Variants in TAB2 observed in about 807,000 individuals in gnomAD.
TAB2 encodes the protein TGF-beta activated kinase 1 (MAP3K7) binding protein 2.
A neutral mutation model predicts 65.0 loss-of-function variants in TAB2; 3 were observed. The ratio of observed to expected loss-of-function variants is 0.05; its 90% CI spans 0.02 to 0.12. The LOEUF (loss-of-function observed/expected upper bound fraction) is 0.12. Among genes scored for constraint, TAB2 ranks in the 10% least tolerant of loss-of-function variants. The pLI is 1.00. For missense variants in TAB2, 623 were observed against 840.3 expected (o/e 0.74, Z 3.20); for synonymous variants, 298 against 285.1 (o/e 1.05, Z -0.46).
chr6:149,328,588 G>A (rs952687076), intron 1 of TAB2, among the ~76,000 whole-genome samples: 6 of 152,090 alleles, frequency 3.9e-5, no homozygotes, highest in South Asian at 2.1e-4. Context: ...CACCGCACCC[G>A]GCCTCTACAT....
chr6:149,301,515 A>G (rs1472425904), intron 1 of TAB2, among the ~76,000 whole-genome samples: 1 of 152,238 alleles, frequency 6.6e-6, no homozygotes, highest in Non-Finnish European at 1.5e-5. Context: ...TCATTTCTGT[A>G]CATTACACAT....
chr6:149,357,430 A>AAAAAAAAAAACAC lies in TAB2; in HGVS notation c.-89-12478_-89-12477insAAAAAAAAACACA. ...GACTCCGTCTCAAGGAGAAAAAAAA[A>AAAAAAAAAAACAC]ACACACACACACACACACACACACA... On this transcript the variant is annotated intron_variant, in intron 1 of 6. Coordinates refer to ENST00000637181, the MANE Select transcript of TAB2 (RefSeq NM_001292034.3). Among the ~76,000 whole-genome samples the AAAAAAAAAAACAC allele has an allele frequency of 1.3e-4, 14 of 111,182 alleles. 1 individual carries two copies. The South Asian group carries it at 2.1e-3, about 17-fold the overall frequency. 72.9% of individuals were successfully genotyped at this position (111,182 alleles called of 152,430 possible). A position where few individuals can be genotyped will look rare whatever the true frequency, so the allele number is the denominator to read the frequency against.
At chr6:149,330,752 G>T (rs1779758048) in intron 1 of TAB2, among the ~76,000 whole-genome samples, 1 of 152,036 alleles carries the variant, frequency 6.6e-6, no homozygotes, top group African/African-American at 2.4e-5. Flanking sequence ...TCTTAACAGG[G>T]TCTTTTGCAG....
At chr6:149,349,691 AC>A (rs1215950799) in intron 1 of TAB2, among the ~76,000 whole-genome samples, 1 of 152,228 alleles carries the variant, frequency 6.6e-6, no homozygotes, top group Non-Finnish European at 1.5e-5. Flanking sequence ...GAACATATTT[AC>A]ATTTTCAAAA....
intron 1 of TAB2, among the ~76,000 whole-genome samples, chr6:149,349,756 G>A (rs994223427): frequency 2.0e-5 from 3 of 152,140 alleles, no homozygotes; most frequent in Admixed American, 2.0e-4. Flanking sequence ...TGAGTTTGGG[G>A]AGATAGATAA....
At chr6:149,257,964 C>T (rs553607001) in intron 1 of TAB2, among the ~76,000 whole-genome samples, 15 of 152,288 alleles carry the variant, frequency 9.8e-5, no homozygotes, top group African/African-American at 3.6e-4. Context: ...GACGAAGAAG[C>T]AAGCTTTTGC....
chr6:149,257,540 C>CAAA, intron 1 of TAB2: 1 of 152,266 alleles, frequency 6.6e-6, no homozygotes, highest in South Asian at 2.1e-4. Flanking sequence ...GCCAGGCTTT[C>CAAA]AGGGAGCTTC....
At chr6:149,401,372 AAG>A (rs1782403639) in intron 6 of TAB2, 1 of 161,026 alleles carries the variant, frequency 6.2e-6, no homozygotes, top group South Asian at 2.1e-4. Flanking sequence ...GGGATGGAAA[AAG>A]ATTTTATATA....
In TAB2 at chr6:149,378,788, T is replaced by G; in HGVS notation, c.873T>G (p.Thr291=). ...TCTACATGCCAATCAGTTCACCTAC[T>G]ACTTCACAACCACCAACCATTCATT... ...SHVYMPISSP[T]TSQPPTIHSS... Residue 291 remains threonine, a synonymous_variant, in exon 3 of 7, where the codon ACT becomes ACG. Coordinates refer to ENST00000637181, the MANE Select transcript of TAB2 (RefSeq NM_001292034.3). The G allele has an allele frequency of 6.2e-7, 1 of 1,614,150 alleles. No homozygotes were observed. The highest frequency in any genetic ancestry group is 8.5e-7 in the Non-Finnish European group (1 of 1,180,012).
At chr6:149,257,731 T>C (rs1410551399) in intron 1 of TAB2, among the ~76,000 whole-genome samples, 1 of 151,642 alleles carries the variant, frequency 6.6e-6, no homozygotes, top group East Asian at 1.9e-4. Flanking sequence ...GGGGGCAGAG[T>C]CTTGGAGTCT....
intron 1 of TAB2, among the ~76,000 whole-genome samples, chr6:149,292,678 CA>C: frequency 6.6e-6 from 1 of 151,962 alleles, no homozygotes; most frequent in Non-Finnish European, 1.5e-5. Flanking sequence ...TGACATATGT[CA>C]AAAAATGACA....
At chr6:149,254,571 C>T (rs1267173685) in intron 1 of TAB2, among the ~76,000 whole-genome samples, 1 of 152,050 alleles carries the variant, frequency 6.6e-6, no homozygotes, top group African/African-American at 2.4e-5. Context: ...GTTCCACAGT[C>T]CTTCCCTCAC....
chr6:149,339,596 TA>T (rs1562422731), intron 1 of TAB2, among the ~76,000 whole-genome samples: 284 of 20,596 alleles, frequency 0.014, 3 homozygotes, highest in African/African-American at 0.035. Flanking sequence ...TTTATTTATT[TA>T]TTTATTTATT....
chr6:149,369,937 T>C lies in TAB2; in HGVS notation c.-61T>C. ...ATGCTTGGACAGAAGAGATGAGTAC[T>C]ATTTCCACTAAGGCCTAGAATTGCC... On this transcript the variant is annotated 5_prime_UTR_variant, in exon 2 of 7. Transcript: ENST00000637181. The C allele has an allele frequency of 2.8e-6, 4 of 1,407,552 alleles. No individual in the cohort carries two copies. In the Middle Eastern group the frequency reaches 5.3e-4, roughly 187 times the overall value. 87.2% of individuals were successfully genotyped at this position (1,407,552 alleles called of 1,614,324 possible).
intron 1 of TAB2, among the ~76,000 whole-genome samples, chr6:149,236,300 C>A (rs370352142): frequency 6.6e-6 from 1 of 152,158 alleles, no homozygotes; most frequent in Non-Finnish European, 1.5e-5. Context: ...GGTATTCAAG[C>A]GTAAGTCACA....
chr6:149,315,394 ATATG>A (rs1208216897), upstream of TAB2, among the ~76,000 whole-genome samples: 1 of 152,158 alleles, frequency 6.6e-6, no homozygotes, highest in Non-Finnish European at 1.5e-5. Flanking sequence ...GTATGTGTGT[ATATG>A]TATGTATTTT....
At chr6:149,400,246 G>A (rs1782327079) in intron 6 of TAB2, 1 of 842,874 alleles carries the variant, frequency 1.2e-6, no homozygotes, top group South Asian at 1.8e-5. Flanking sequence ...ACAGCGGGAG[G>A]GGAGGGAGCC....
chr6:149,357,430 A>AACACACACACAC lies in TAB2; in HGVS notation c.-89-12453_-89-12442dup, dbSNP rs1554261742. On this transcript the variant is annotated intron_variant, in intron 1 of 6. Coordinates refer to ENST00000637181, the MANE Select transcript of TAB2 (RefSeq NM_001292034.3). ...GACTCCGTCTCAAGGAGAAAAAAAAAACACACACACACACACACACACACA... is the reference window on the plus strand; with the variant it reads ...GACTCCGTCTCAAGGAGAAAAAAAAAACACACACACACACACACACACACACACACACACACA... 8.6e-4 allele frequency among the ~76,000 whole-genome samples: 95 copies of AACACACACACAC among 110,768 alleles called. 1 individual carries two copies. Among genetic ancestry groups the AACACACACACAC allele is most frequent in the South Asian group, 1.1e-3 (3 of 2,852 alleles). 72.7% of individuals were successfully genotyped at this position (110,768 alleles called of 152,430 possible).
intron 1 of TAB2, among the ~76,000 whole-genome samples, chr6:149,324,826 C>CT (rs35922173): frequency 0.25 from 32,681 of 132,708 alleles, 4,334 homozygotes; most frequent in South Asian, 0.29. Context: ...GAAAATATTA[C>CT]TTTTTTTTTT....
Sources: gnomAD v4.1 joint callset for allele counts (sites outside exome capture counted in the v4.1 genomes callset) on GRCh38, gnomAD v4.1.1 for gene constraint, MANE v1.5 for transcripts, NCBI Gene and HGNC (gene_info 2026-07-23, HGNC 2026-07-21) for gene names.